Variants in CCDC171 observed in about 807,000 individuals in gnomAD.
The protein encoded by CCDC171 is coiled-coil domain containing 171.
CCDC171 carries 177 observed loss-of-function variants against 168.2 expected under a neutral mutation model. That is an observed-to-expected ratio of 1.05 (90% CI 0.93 to 1.19). The LOEUF (loss-of-function observed/expected upper bound fraction) is 1.19. Ranked by LOEUF, CCDC171 falls within the 50% of genes most tolerant of loss-of-function variation. The probability of loss-of-function intolerance (pLI) is 0.00; values close to 1 mark genes in which losing one functional copy is unlikely to be tolerated. For synonymous variants in CCDC171, 687 were observed against 540.8 expected (o/e 1.27, Z -3.75); for missense variants, 1,991 against 1,539.0 (o/e 1.29, Z -4.91).
chr9:15,623,475 G>GCGCGCGCTCACA lies in CCDC171; in HGVS notation c.822+63_822+64insGCGCGCTCACAC. The GCGCGCGCTCACA allele has an allele frequency of 1.6e-5, 5 of 311,464 alleles. No individual in the cohort carries two copies. In the South Asian group the frequency reaches 2.9e-4, roughly 18 times the overall value. 19.3% of individuals were successfully genotyped at this position (311,464 alleles called of 1,614,324 possible). A position where few individuals can be genotyped will look rare whatever the true frequency, so the allele number is the denominator to read the frequency against. Reference sequence around the variant, plus strand: ...CAAACTTTCACATATGCGCGCGCGCGCACACACACACACACACACACACAC... The same window carrying GCGCGCGCTCACA: ...CAAACTTTCACATATGCGCGCGCGCGCGCGCGCTCACACACACACACACACACACACACACAC... On this transcript the variant is annotated intron_variant, in intron 7 of 25. Coordinates refer to ENST00000380701, the MANE Select transcript of CCDC171 (RefSeq NM_173550.4).
chr9:16,079,665 C>T, the CCDC171 span, among the ~76,000 whole-genome samples: 2 of 152,340 alleles, frequency 1.3e-5, no homozygotes, highest in African/African-American at 4.8e-5. Flanking sequence ...TTTTGGACTT[C>T]TAATCTCCAG....
Position 15,563,375 on chromosome 9 carries a change from T to C in CCDC171, c.-111-603T>C, listed in dbSNP as rs536307259. On this transcript the variant is annotated intron_variant, in intron 1 of 25. Transcript: ENST00000380701. ...CTGGTTTAGAACTCCCGACCTCAGG[T>C]GATCTGCCTGCCTCTGCCTCCCAAA... Among the ~76,000 whole-genome samples, 26 of 152,202 alleles carry C rather than the reference T, an allele frequency of 1.7e-4. No individual in the cohort carries two copies. In the South Asian group the frequency reaches 5.4e-3, roughly 32 times the overall value.
intron 23 of CCDC171, among the ~76,000 whole-genome samples, chr9:15,853,509 A>C (rs1174870113): frequency 2.0e-5 from 3 of 151,594 alleles, no homozygotes; most frequent in African/African-American, 7.2e-5. Context: ...TAGCTTCTTT[A>C]GGATTTTCTA....
Position 15,638,772 on chromosome 9 carries a change from C to A in CCDC171, c.822+15359C>A, listed in dbSNP as rs558512120. ...AATGCTTTCTTAGATTAAAAAAAAA[C>A]AAACAAACTCCCAATCCAATTTTAT... On this transcript the variant is annotated intron_variant, in intron 7 of 25. Coordinates refer to ENST00000380701, the MANE Select transcript of CCDC171 (RefSeq NM_173550.4). 1.7e-4 allele frequency among the ~76,000 whole-genome samples: 26 copies of A among 151,132 alleles called. No homozygotes were observed. In the South Asian group the frequency reaches 4.6e-3, roughly 27 times the overall value.
At chr9:15,687,299 C>A (rs1252846115) in intron 10 of CCDC171, among the ~76,000 whole-genome samples, 1 of 151,378 alleles carries the variant, frequency 6.6e-6, no homozygotes, top group East Asian at 1.9e-4. Context: ...CATCTATATT[C>A]AAAAAAAATA....
At chr9:15,948,663 T>C (rs1413780811) in intron 25 of CCDC171, among the ~76,000 whole-genome samples, 9 of 152,086 alleles carry the variant, frequency 5.9e-5, no homozygotes, top group Non-Finnish European at 1.3e-4. Context: ...GCCCCCTTTT[T>C]GATGGGGTTG....
rs55892512 is a variant in CCDC171 at position 15,691,546 on chromosome 9, T to TTATATATATA, written c.1216-3673_1216-3664dup. Among the ~76,000 whole-genome samples the TTATATATATA allele has an allele frequency of 8.9e-4, 95 of 106,390 alleles. 1 individual carries two copies. The highest frequency in any genetic ancestry group is 1.4e-3 in the African/African-American group (35 of 25,628). The allele number at this position is 106,390 out of a possible 152,430, so 69.8% of individuals were successfully genotyped here. Reference sequence around the variant, plus strand: ...AAAAATACCTGTAAATATATGTTTTTTATATATATATATATATATATATAT... The same window carrying TTATATATATA: ...AAAAATACCTGTAAATATATGTTTTTTATATATATATATATATATATATATATATATATAT... On this transcript the variant is annotated intron_variant, in intron 10 of 25. Coordinates refer to ENST00000380701, the MANE Select transcript of CCDC171 (RefSeq NM_173550.4).
chr9:15,934,389 C>CAAAA (rs71304892), intron 25 of CCDC171, among the ~76,000 whole-genome samples: 14 of 114,228 alleles, frequency 1.2e-4, no homozygotes, highest in East Asian at 7.7e-4. Context: ...GACCCTGTCT[C>CAAAA]AAAAAAAAAA....
chr9:15,822,252 C>G (rs539109187), intron 21 of CCDC171, among the ~76,000 whole-genome samples: 3 of 152,190 alleles, frequency 2.0e-5, no homozygotes, highest in African/African-American at 7.2e-5. Flanking sequence ...CTAGGCAATA[C>G]CATTCAGGAC....
chr9:16,003,495 A>T (rs1357739307), intron 3 of CCDC171, among the ~76,000 whole-genome samples: 1 of 152,218 alleles, frequency 6.6e-6, no homozygotes, highest in East Asian at 1.9e-4. Context: ...TGGGAGGACA[A>T]CTTCCTGGGC....
At chr9:15,649,108 T>C (rs931383195) in intron 7 of CCDC171, among the ~76,000 whole-genome samples, 9 of 152,104 alleles carry the variant, frequency 5.9e-5, no homozygotes, top group Non-Finnish European at 1.2e-4. Flanking sequence ...CCTACAACCA[T>C]CTGATCTTTG....
chr9:15,628,733 G>T (rs1266002607), intron 7 of CCDC171, among the ~76,000 whole-genome samples: 1 of 152,162 alleles, frequency 6.6e-6, no homozygotes, highest in South Asian at 2.1e-4. Context: ...CTCCTCAAGT[G>T]GGTCCCTGAC....
chr9:15,669,777 C>A (rs905073426), intron 9 of CCDC171, among the ~76,000 whole-genome samples: 6 of 151,978 alleles, frequency 3.9e-5, no homozygotes, highest in African/African-American at 1.4e-4. Context: ...AAATTTATTT[C>A]TTAGACTCAA....
intron 21 of CCDC171, among the ~76,000 whole-genome samples, chr9:15,809,795 T>C (rs866882658): frequency 5.6e-4 from 86 of 152,300 alleles, no homozygotes; most frequent in African/African-American, 1.8e-3. Context: ...GCTTCCACAA[T>C]GTGGAAGAGG....
chr9:16,088,747 G>A, the CCDC171 span, among the ~76,000 whole-genome samples: 1 of 152,158 alleles, frequency 6.6e-6, no homozygotes, highest in Non-Finnish European at 1.5e-5. Context: ...CCATGCTCAT[G>A]GATAGGAAGA....
chr9:15,735,663 G>A (rs1564310849), intron 16 of CCDC171, among the ~76,000 whole-genome samples: 1 of 152,162 alleles, frequency 6.6e-6, no homozygotes, highest in Admixed American at 6.5e-5. Context: ...GTTATTAGAT[G>A]TTGAAACTTT....
chr9:15,740,994 C>T (rs1309977079), intron 16 of CCDC171, among the ~76,000 whole-genome samples: 1 of 152,088 alleles, frequency 6.6e-6, no homozygotes, highest in East Asian at 1.9e-4. Context: ...AGATTTTTTA[C>T]ATTTCAGGCC....
chr9:15,871,713 C>G (rs1240473746), intron 23 of CCDC171, among the ~76,000 whole-genome samples: 2 of 151,896 alleles, frequency 1.3e-5, no homozygotes, highest in Non-Finnish European at 2.9e-5. Flanking sequence ...TCTTACTGTT[C>G]TGTGTTGAAT....
chr9:15,683,585 G>C (rs1274471547), intron 10 of CCDC171, among the ~76,000 whole-genome samples: 1 of 151,808 alleles, frequency 6.6e-6, no homozygotes, highest in Admixed American at 6.6e-5. Context: ...TTAAATTTTA[G>C]TTCTAGTAAA....
Sources: allele counts gnomAD v4.1 joint callset (sites outside exome capture counted in the v4.1 genomes callset), GRCh38; gene constraint gnomAD v4.1.1; transcripts MANE v1.5; gene names NCBI Gene and HGNC (gene_info 2026-07-23, HGNC 2026-07-21).